GCM2: variants seen among roughly 807,000 people sequenced by gnomAD.
GCM2 encodes GCM transcription factor 2, also known as chorion-specific transcription factor GCMb.
A neutral mutation model predicts 24.8 loss-of-function variants in GCM2; 21 were observed. The observed-to-expected ratio is 0.85, with a 90% confidence interval of 0.60 to 1.22. The LOEUF is 1.22. GCM2 is among the 50% of genes most tolerant of loss of function. The pLI is 0.00. For synonymous variants in GCM2, 222 were observed against 238.0 expected (o/e 0.93, Z 0.62); for missense variants, 532 against 645.6 (o/e 0.82, Z 1.91).
chr6:10,876,829 C>T (rs565878788), intron 2 of GCM2, among the ~76,000 whole-genome samples: 5 of 151,816 alleles, frequency 3.3e-5, no homozygotes, highest in Admixed American at 3.3e-4. Context: ...TTTGGGAGGC[C>T]GAGACAGGCA....
At position 10,877,174 on chromosome 6, in the gene GCM2, C is replaced by T. The variant is rs191852622; in HGVS notation, c.309G>A (p.Pro103=). The part of the protein sequence containing the change: ...LPDGSRLQLR[P]AICDKARLKQ... ...TCAGCCGTGCCTTGTCGCAGATGGC[C>T]GGCCTCAGCTGCAGGCGGGAACCGT... Residue 103 remains proline, a synonymous_variant, in exon 2 of 5, where the codon CCG becomes CCA. Transcript: ENST00000379491. 6.2e-6 allele frequency: 10 copies of T among 1,613,578 alleles called. No individual in the cohort carries two copies. Among genetic ancestry groups the T allele is most frequent in the Admixed American group, 5.0e-5 (3 of 60,028 alleles).
intron 4 of GCM2, among the ~76,000 whole-genome samples, chr6:10,875,413 G>T (rs1190553617): frequency 6.6e-6 from 1 of 152,212 alleles, no homozygotes; most frequent in African/African-American, 2.4e-5. Flanking sequence ...CTGGCACATA[G>T]GAAGTGCTGG....
At chr6:10,878,571 G>A (rs1430274571) in intron 1 of GCM2, among the ~76,000 whole-genome samples, 1 of 152,130 alleles carries the variant, frequency 6.6e-6, no homozygotes, top group Non-Finnish European at 1.5e-5. Context: ...ACCCACCTTG[G>A]CCTCCCAAAG....
chr6:10,873,840 C>A lies in GCM2; in HGVS notation c.*155G>T. 2 of 698,662 alleles carry A rather than the reference C, an allele frequency of 2.9e-6. No homozygotes were observed. Among genetic ancestry groups the A allele is most frequent in the Non-Finnish European group, 5.1e-6 (2 of 388,930 alleles). The allele number at this position is 698,662 out of a possible 1,614,324, so 43.3% of individuals were successfully genotyped here. A position where few individuals can be genotyped will look rare whatever the true frequency, so the allele number is the denominator to read the frequency against. ...TCCCATATTATCTAATCATTTCCAA[C>A]TGATTATTTTCTCAGTTACTCAGAA... On this transcript the variant is annotated 3_prime_UTR_variant, in exon 5 of 5. Transcript: ENST00000379491.
At chr6:10,877,528 A>G in intron 1 of GCM2, 136 bp from the exon 2 acceptor site, 1 of 874,502 alleles carries the variant, frequency 1.1e-6, no homozygotes, top group Admixed American at 2.0e-5. Context: ...CCAAAATGCC[A>G]CTCTTTCTAT....
In GCM2 at chr6:10,874,829, C is replaced by T. The variant is rs755090999; in HGVS notation, c.687G>A (p.Gly229=). The T allele has an allele frequency of 4.3e-5, 69 of 1,613,464 alleles. No individual in the cohort carries two copies. The Admixed American group carries it at 1.1e-3, about 27-fold the overall frequency. ...ACTTTGGGAAGGAAGGGCAAGGCTG[C>T]CCTGGAATAGGGAAGCTGGTTTCAG... ...IVTETSFPIP[G]QPCPSFPKSD... is the part of the protein sequence containing the mutation. The change falls in exon 5 of 5, where the codon GGG becomes GGA. Residue 229 remains glycine (G), a synonymous_variant. Transcript: ENST00000379491.
chr6:10,881,554 ATGTGTGTG>A lies in GCM2; in HGVS notation c.90+142_90+149del, dbSNP rs35911329. 0.12 allele frequency: 51,582 copies of A among 423,024 alleles called. 1,390 individuals are homozygous for A. The highest frequency in any genetic ancestry group is 0.15 in the Non-Finnish European group (33,120 of 225,934). The allele number at this position is 423,024 out of a possible 1,614,324, so 26.2% of individuals were successfully genotyped here. On this transcript the variant is annotated intron_variant, in intron 1 of 4. Coordinates refer to ENST00000379491, the MANE Select transcript of GCM2 (RefSeq NM_004752.4). ...TCAGAAACCCAGAAATTTTGCGGGT[ATGTGTGTG>A]TGTGTGTGTGTGTGTGTGTGTGTGT...
intron 1 of GCM2, 120 bp downstream of exon 1, chr6:10,881,584 G>GTGTA (rs1311076647): frequency 1.5e-6 from 1 of 682,542 alleles, no homozygotes; most frequent in African/African-American, 1.8e-5. Flanking sequence ...GTGTGTGTGT[G>GTGTA]TGTGTGTGTG....
chr6:10,876,053 T>C (rs764287008), intron 3 of GCM2, 37 bp from the exon 4 acceptor site: 1 of 1,612,400 alleles, frequency 6.2e-7, no homozygotes. Flanking sequence ...CATTTGTGCC[T>C]CTAAAGGAAG....
At chr6:10,876,068 C>T (rs978836395) in intron 3 of GCM2, 52 bp from the exon 4 acceptor site, 15 of 1,596,626 alleles carry the variant, frequency 9.4e-6, no homozygotes, top group African/African-American at 9.4e-5. Context: ...AGGAAGCTGA[C>T]AATGTTGCCC....
rs886060981 is a variant in GCM2, at chr6:10,877,218, G to C, written c.265C>G (p.Gln89Glu). ...GAACCGTCGGGCAGGGTGCAGGCCTGTGTACACACCACCACACCCAGGCAC... is the reference window on the plus strand; with the variant it reads ...GAACCGTCGGGCAGGGTGCAGGCCTCTGTACACACCACCACACCCAGGCAC... ...KSCLGVVVCT[Q>E]ACTLPDGSRL... Residue 89 changes from glutamine to glutamate, a missense_variant, in exon 2 of 5, where the codon CAG (glutamine) becomes GAG (glutamate). Gln to Glu is a conservative substitution (Grantham distance 29, BLOSUM62 2). Transcript: ENST00000379491. 9 of 1,614,064 alleles carry C rather than the reference G, an allele frequency of 5.6e-6. No individual in the cohort carries two copies. Among genetic ancestry groups the C allele is most frequent in the Non-Finnish European group, 7.6e-6 (9 of 1,180,052 alleles).
chr6:10,878,036 C>A (rs575295828), intron 1 of GCM2, among the ~76,000 whole-genome samples: 1 of 152,268 alleles, frequency 6.6e-6, no homozygotes, highest in South Asian at 2.1e-4. Context: ...CTCAACTTGG[C>A]TCTCCAAGTT....
At chr6:10,876,300 G>A (rs1581805651) in intron 3 of GCM2, 145 bp downstream of exon 3, 1 of 726,152 alleles carries the variant, frequency 1.4e-6, no homozygotes. Flanking sequence ...CTCCCGCTAG[G>A]TCCCTGGGGA....
intron 1 of GCM2, among the ~76,000 whole-genome samples, chr6:10,877,815 T>C (rs115152635): frequency 0.013 from 1,964 of 152,316 alleles, 43 homozygotes; most frequent in African/African-American, 0.045. Flanking sequence ...TGTGTTTAAA[T>C]GTTGAAAACA....
Position 10,875,895 on chromosome 6 carries a change from G to A in GCM2, c.578C>T (p.Ser193Phe). The change falls in exon 4 of 5, where the codon TCC (serine) becomes TTC (phenylalanine). Residue 193 changes from serine to phenylalanine, a missense_variant. By Grantham distance (155) the Ser-to-Phe change is radical. Coordinates refer to ENST00000379491, the MANE Select transcript of GCM2 (RefSeq NM_004752.4). ...GCACTATCAGCTCCCTGTTACCTCG[G>A]ATTCTCGAATTCTCTTTTTCTGGGG... Reference protein sequence around the residue: ...YQPQKKRIRESEAEENQDSSG... With the variant: ...YQPQKKRIREFEAEENQDSSG... 6.2e-7 allele frequency: 1 copy of A among 1,613,990 alleles called. No homozygotes were observed. The highest frequency in any genetic ancestry group is 1.1e-5 in the South Asian group (1 of 91,070).
rs1398295961 is a variant in GCM2 at position 10,874,662 on chromosome 6, G to GAATTTGTAT, written c.845_853dup (p.Tyr282_Asn284dup). On this transcript the variant is annotated inframe_insertion, in exon 5 of 5. Coordinates refer to ENST00000379491, the MANE Select transcript of GCM2 (RefSeq NM_004752.4). The stretch of plus-strand genomic sequence containing the variant: ...CTTATAAAGGGTGGGATATGGGCTT[G>GAATTTGTAT]AATTTGTATAACCAGGGTTTGCCAA... The GAATTTGTAT allele has an allele frequency of 1.2e-6, 2 of 1,614,096 alleles. No homozygotes were observed. Among genetic ancestry groups the GAATTTGTAT allele is most frequent in the African/African-American group, 2.7e-5 (2 of 74,932 alleles).
Position 10,874,349 on chromosome 6 carries a change from C to T in GCM2, c.1167G>A (p.Val389=), listed in dbSNP as rs776867378. The T allele has an allele frequency of 1.9e-6, 3 of 1,614,180 alleles. No homozygotes were observed. Among genetic ancestry groups the T allele is most frequent in the South Asian group, 1.1e-5 (1 of 91,086 alleles). ...CAGGGGGCTGGTAGGCCTGGTAGGACACTTTAGTGGTGGTGGTGATCACGG... is the reference window on the plus strand; with the variant it reads ...CAGGGGGCTGGTAGGCCTGGTAGGATACTTTAGTGGTGGTGGTGATCACGG... ...LQTVITTTTK[V]SYQAYQPPAM... The change falls in exon 5 of 5, where the codon GTG becomes GTA. Residue 389 remains valine, a synonymous_variant. Transcript: ENST00000379491.
At position 10,876,564 on chromosome 6, in the gene GCM2, A is replaced by G. The variant is rs184620420; in HGVS notation, c.344-7T>C. 2.5e-3 allele frequency: 3,848 copies of G among 1,556,892 alleles called. 4 individuals are homozygous for G. The highest frequency in any genetic ancestry group is 3.2e-3 in the Non-Finnish European group (3,621 of 1,127,894). ...CAGTTAGGGCATGCCTTCTCTGCAA[A>G]GCCCAGAAGGGAGAAATATTAACCC... On this transcript the variant is annotated splice_region_variant and splice_polypyrimidine_tract_variant and intron_variant, in intron 2 of 4. Coordinates refer to ENST00000379491, the MANE Select transcript of GCM2 (RefSeq NM_004752.4).
At chr6:10,878,004 A>G (rs1194342313) in intron 1 of GCM2, among the ~76,000 whole-genome samples, 1 of 152,174 alleles carries the variant, frequency 6.6e-6, no homozygotes, top group African/African-American at 2.4e-5. Context: ...TCAGAGAGGA[A>G]AGAACAGCTT....
Sources: gnomAD v4.1 joint callset for allele counts (sites outside exome capture counted in the v4.1 genomes callset) on GRCh38, gnomAD v4.1.1 for gene constraint, MANE v1.5 for transcripts, NCBI Gene and HGNC (gene_info 2026-07-23, HGNC 2026-07-21) for gene names.